The following IGFBP7 variants were observed in gnomAD, a reference collection of about 807,000 sequenced individuals.
The protein encoded by IGFBP7 is insulin-like growth factor-binding protein 7.
Under a neutral mutation model 29.4 loss-of-function variants are expected in IGFBP7, and 31 were observed. That is an observed-to-expected ratio of 1.05 (90% CI 0.79 to 1.42). IGFBP7 has a LOEUF of 1.42. Ranked by LOEUF, IGFBP7 falls within the 40% of genes most tolerant of loss-of-function variation. The probability of loss-of-function intolerance (pLI) is 0.00; values close to 1 mark genes in which losing one functional copy is unlikely to be tolerated. For missense variants in IGFBP7, 393 were observed against 395.5 expected, an observed-to-expected ratio of 0.99 and a Z score of 0.05; for synonymous variants, 172 against 174.9, an observed-to-expected ratio of 0.98 and a Z score of 0.13.
At chr4:57,089,224 G>A (rs1470657465) in intron 1 of IGFBP7, among the ~76,000 whole-genome samples, 1 of 152,064 alleles carries the variant, frequency 6.6e-6, no homozygotes, top group East Asian at 1.9e-4. Context: ...ATGAATTGAA[G>A]TTTATACAAT....
intron 1 of IGFBP7, among the ~76,000 whole-genome samples, chr4:57,057,594 G>A (rs963068224): frequency 6.6e-6 from 1 of 152,184 alleles, no homozygotes; most frequent in East Asian, 1.9e-4. Flanking sequence ...GGAAGAAAAT[G>A]TTCTCAGTAC....
intron 1 of IGFBP7, among the ~76,000 whole-genome samples, chr4:57,073,663 G>A (rs1333836592): frequency 1.3e-5 from 2 of 152,020 alleles, no homozygotes; most frequent in Non-Finnish European, 2.9e-5. Flanking sequence ...GATTACTAGT[G>A]TCTCTGGCTC....
chr4:57,090,811 T>C (rs968508813), intron 1 of IGFBP7, among the ~76,000 whole-genome samples: 19 of 152,078 alleles, frequency 1.2e-4, no homozygotes, highest in African/African-American at 4.3e-4. Context: ...ATTGCACCAT[T>C]GCACACTCCA....
chr4:57,103,423 C>G (rs539826994), intron 1 of IGFBP7, among the ~76,000 whole-genome samples: 1 of 152,188 alleles, frequency 6.6e-6, no homozygotes, highest in Non-Finnish European at 1.5e-5. Flanking sequence ...AAACCTCATG[C>G]GAGTCCTTCT....
chr4:57,076,380 C>A (rs1285327057), intron 1 of IGFBP7, among the ~76,000 whole-genome samples: 1 of 152,200 alleles, frequency 6.6e-6, no homozygotes, highest in Non-Finnish European at 1.5e-5. Flanking sequence ...TGCCATGAAG[C>A]CTCTACCATG....
chr4:57,061,602 C>T (rs1488650031), intron 1 of IGFBP7, among the ~76,000 whole-genome samples: 2 of 152,160 alleles, frequency 1.3e-5, no homozygotes, highest in Non-Finnish European at 2.9e-5. Context: ...ATTCACATCC[C>T]AGCCTGGACA....
At chr4:57,053,424 G>A (rs557386779) in intron 1 of IGFBP7, among the ~76,000 whole-genome samples, 41 of 152,268 alleles carry the variant, frequency 2.7e-4, no homozygotes, top group African/African-American at 9.6e-4. Context: ...TCTTGCCCAT[G>A]GTGGTTCTGG....
chr4:57,055,513 C>T (rs1045022843), intron 1 of IGFBP7, among the ~76,000 whole-genome samples: 1 of 152,140 alleles, frequency 6.6e-6, no homozygotes, highest in African/African-American at 2.4e-5. Flanking sequence ...AGGCCAAGTA[C>T]TACTTGGGAG....
intron 1 of IGFBP7, among the ~76,000 whole-genome samples, chr4:57,074,553 C>T (rs1725175522): frequency 6.6e-6 from 1 of 152,218 alleles, no homozygotes; most frequent in Admixed American, 6.5e-5. Context: ...AGTCTCCAGC[C>T]TGACTTCAGG....
chr4:57,067,220 A>G (rs1209816636), intron 1 of IGFBP7, among the ~76,000 whole-genome samples: 1 of 152,194 alleles, frequency 6.6e-6, no homozygotes, highest in Non-Finnish European at 1.5e-5. Flanking sequence ...TGTTACTTTC[A>G]TCATTATACG....
chr4:57,078,262 A>G (rs1725277185), intron 1 of IGFBP7, among the ~76,000 whole-genome samples: 1 of 152,146 alleles, frequency 6.6e-6, no homozygotes, highest in Non-Finnish European at 1.5e-5. Context: ...TATTTTACAG[A>G]GGAGGAAACT....
chr4:57,074,495 A>G (rs769012995), intron 1 of IGFBP7, among the ~76,000 whole-genome samples: 2 of 152,186 alleles, frequency 1.3e-5, no homozygotes, highest in Non-Finnish European at 2.9e-5. Flanking sequence ...GGGAGTGTGA[A>G]AGTACTATAG....
At chr4:57,080,509 T>G (rs562513559) in intron 1 of IGFBP7, among the ~76,000 whole-genome samples, 3 of 152,070 alleles carry the variant, frequency 2.0e-5, no homozygotes, top group African/African-American at 4.8e-5. Flanking sequence ...ATCTTCCCAT[T>G]TAGAGGAAGA....
chr4:57,091,928 A>G (rs1472256668), intron 1 of IGFBP7, among the ~76,000 whole-genome samples: 1 of 152,256 alleles, frequency 6.6e-6, no homozygotes, highest in Non-Finnish European at 1.5e-5. Context: ...CAGGAGGAGA[A>G]TAACAGCACA....
At chr4:57,098,351 C>T (rs1296664421) in intron 1 of IGFBP7, among the ~76,000 whole-genome samples, 2 of 152,186 alleles carry the variant, frequency 1.3e-5, no homozygotes, top group African/African-American at 2.4e-5. Context: ...CATGCAGTAA[C>T]AGGCCAGGCT....
intron 1 of IGFBP7, among the ~76,000 whole-genome samples, chr4:57,107,401 C>T (rs1726060308): frequency 6.6e-6 from 1 of 152,170 alleles, no homozygotes; most frequent in Admixed American, 6.5e-5. Flanking sequence ...TCTAGAGGAA[C>T]CTAGACAATG....
At chr4:57,075,110 A>G (rs921916546) in intron 1 of IGFBP7, among the ~76,000 whole-genome samples, 2 of 152,256 alleles carry the variant, frequency 1.3e-5, no homozygotes, top group African/African-American at 4.8e-5. Context: ...TGCAAATTCA[A>G]AGTTGGAAAT....
intron 1 of IGFBP7, among the ~76,000 whole-genome samples, chr4:57,074,209 T>C (rs370273941): frequency 9.8e-5 from 15 of 152,306 alleles, no homozygotes; most frequent in African/African-American, 3.6e-4. Flanking sequence ...TACAGGTTCG[T>C]GCCACCACGC....
intron 1 of IGFBP7, among the ~76,000 whole-genome samples, chr4:57,048,331 G>C (rs1289128219): frequency 6.6e-6 from 1 of 152,170 alleles, no homozygotes; most frequent in Non-Finnish European, 1.5e-5. Flanking sequence ...TTACAGGAGT[G>C]AGCAACAGCA....
Sources: gnomAD v4.1 joint callset for allele counts (sites outside exome capture counted in the v4.1 genomes callset) on GRCh38, gnomAD v4.1.1 for gene constraint, MANE v1.5 for transcripts, NCBI Gene and HGNC (gene_info 2026-07-23, HGNC 2026-07-21) for gene names.